The following ZNF845 variants were observed in gnomAD, a reference collection of about 807,000 sequenced individuals.
The protein encoded by ZNF845 is zinc finger protein 845.
Under a neutral mutation model 76.1 loss-of-function variants are expected in ZNF845, and 59 were observed. The ratio of observed to expected loss-of-function variants is 0.78; its 90% CI spans 0.63 to 0.96. The LOEUF is 0.96. Ranked by LOEUF, ZNF845 falls within the 40% of genes least tolerant of loss-of-function variation. The probability of loss-of-function intolerance (pLI) is 0.00; values close to 1 mark genes in which losing one functional copy is unlikely to be tolerated. For missense variants in ZNF845, 1,045 were observed against 1,172.8 expected, an observed-to-expected ratio of 0.89 and a Z score of 1.59; for synonymous variants, 361 against 386.9, an observed-to-expected ratio of 0.93 and a Z score of 0.78.
At chr19:53,346,585 A>G (rs4803091) in intron 3 of ZNF845, among the ~76,000 whole-genome samples, 129,648 of 152,192 alleles carry the variant, frequency 0.85, 55,418 homozygotes, top group Non-Finnish European at 0.89. Context: ...GGAGGCTGAC[A>G]CAGGAGAGTT....
At chr19:53,349,489 C>T (rs940234016) in intron 3 of ZNF845, among the ~76,000 whole-genome samples, 2 of 150,744 alleles carry the variant, frequency 1.3e-5, no homozygotes, top group Non-Finnish European at 2.9e-5. Flanking sequence ...AGGATGGTCT[C>T]GATCTCCTGA....
intron 2 of ZNF845, among the ~76,000 whole-genome samples, chr19:53,341,571 G>A (rs1030503702): frequency 2.6e-5 from 4 of 151,978 alleles, no homozygotes; most frequent in African/African-American, 9.7e-5. Context: ...GGATGGAGAT[G>A]GGATGAGGGC....
In ZNF845 at chr19:53,351,087, G is replaced by T. The variant is rs781150772; in HGVS notation, c.412G>T (p.Asp138Tyr). 9 of 1,614,062 alleles carry T rather than the reference G, an allele frequency of 5.6e-6. No individual in the cohort carries two copies. In the African/African-American group the frequency reaches 1.2e-4, roughly 22 times the overall value. Reference protein sequence around the residue: ...QRHAGNKPIKDQLGSSFHSHL... With the variant: ...QRHAGNKPIKYQLGSSFHSHL... ...GCATGCTGGAAACAAGCCTATTAAAGATCAGCTTGGATCAAGCTTTCATTC... is the reference window on the plus strand; with the variant it reads ...GCATGCTGGAAACAAGCCTATTAAATATCAGCTTGGATCAAGCTTTCATTC... Residue 138 changes from aspartate to tyrosine, a missense_variant, in exon 4 of 4, where the codon GAT becomes TAT. Coordinates refer to ENST00000458035, the MANE Select transcript of ZNF845 (RefSeq NM_138374.3).
chr19:53,355,546 C>G lies in ZNF845; in HGVS notation c.*1958C>G, dbSNP rs936339932. ...GCCTAACCTCATTATCCGCCCACTT[C>G]GGACTTGCAAATTGCTGGGATTATG... On this transcript the variant is annotated 3_prime_UTR_variant, in exon 4 of 4. Transcript: ENST00000458035. The G allele has an allele frequency of 6.6e-6, 1 of 152,072 alleles. No individual in the cohort carries two copies. The highest frequency in any genetic ancestry group is 1.5e-5 in the Non-Finnish European group (1 of 68,026). The allele number at this position is 152,072 out of a possible 1,614,324, so 9.4% of individuals were successfully genotyped here.
rs1339329107 is a variant in ZNF845, at chr19:53,356,380, TAAAA to T, written c.*2796_*2799del. 1 of 151,650 alleles carries T rather than the reference TAAAA, an allele frequency of 6.6e-6. No individual in the cohort carries two copies. The highest frequency in any genetic ancestry group is 1.5e-5 in the Non-Finnish European group (1 of 67,952). 9.4% of individuals were successfully genotyped at this position (151,650 alleles called of 1,614,324 possible). A position where few individuals can be genotyped will look rare whatever the true frequency, so the allele number is the denominator to read the frequency against. On this transcript the variant is annotated 3_prime_UTR_variant, in exon 4 of 4. Transcript: ENST00000458035. ...TAGGGGACCTCTTCTCTGCTAAAAGTAAAAAAAGTCAGCCAGGTGTGGTGGTGCA... is the reference window on the plus strand; with the variant it reads ...TAGGGGACCTCTTCTCTGCTAAAAGTAAAGTCAGCCAGGTGTGGTGGTGCA...
Position 53,352,269 on chromosome 19 carries a change from T to C in ZNF845, c.1594T>C (p.Phe532Leu). 11 of 1,613,862 alleles carry C rather than the reference T, an allele frequency of 6.8e-6. No homozygotes were observed. The highest frequency in any genetic ancestry group is 9.3e-6 in the Non-Finnish European group (11 of 1,179,886). ...LYKCNECGKT[F>L]SRKSSLTRHC... ...CAAGTGTAATGAATGTGGCAAGACC[T>C]TTAGTCGGAAGTCATCCCTTACACG... is the stretch of plus-strand genomic sequence containing the variant. The change falls in exon 4 of 4, where the codon TTT (phenylalanine) becomes CTT (leucine). Residue 532 changes from phenylalanine (F) to leucine (L), a missense_variant. Coordinates refer to ENST00000458035, the MANE Select transcript of ZNF845 (RefSeq NM_138374.3).
chr19:53,342,506 T>G (rs2085263522), intron 2 of ZNF845, among the ~76,000 whole-genome samples: 1 of 152,184 alleles, frequency 6.6e-6, no homozygotes, highest in East Asian at 1.9e-4. Context: ...AAGCTGCAGC[T>G]TAGACCCATT....
rs752894826 is a variant in ZNF845, at chr19:53,351,303, A to T, written c.628A>T (p.Met210Leu). 6.2e-7 allele frequency: 1 copy of T among 1,614,222 alleles called. No individual in the cohort carries two copies. The highest frequency in any genetic ancestry group is 1.1e-5 in the South Asian group (1 of 91,084). The change falls in exon 4 of 4, where the codon ATG (methionine) becomes TTG (leucine). Residue 210 changes from methionine (M) to leucine (L), a missense_variant. Met to Leu is a conservative substitution (Grantham distance 15, BLOSUM62 2). Transcript: ENST00000458035. ...ACTCACACAAAAGCAGGAAGTACAC[A>T]TGAGAGAAAAATCTTTCCAATGTAA... ...SLLTQKQEVH[M>L]REKSFQCNES...
chr19:53,342,305 C>T (rs762033607), intron 2 of ZNF845, among the ~76,000 whole-genome samples: 14 of 152,032 alleles, frequency 9.2e-5, no homozygotes, highest in African/African-American at 1.2e-4. Flanking sequence ...TTATTAGTGA[C>T]GGGCTATCAC....
chr19:53,351,846 A>T lies in ZNF845; in HGVS notation c.1171A>T (p.Thr391Ser). The change falls in exon 4 of 4, where the codon ACC becomes TCC. Residue 391 changes from threonine to serine, a missense_variant. Thr to Ser is a moderately conservative substitution (Grantham distance 58). Coordinates refer to ENST00000458035, the MANE Select transcript of ZNF845 (RefSeq NM_138374.3). The stretch of plus-strand genomic sequence containing the variant: ...TTACAAGTGTAATGAATGCAGCAGG[A>T]CCTTTAGTCGGAAGTCATCCCTTAC... Reference protein sequence around the residue: ...KPYKCNECSRTFSRKSSLTRH... With the variant: ...KPYKCNECSRSFSRKSSLTRH... 1.2e-6 allele frequency: 2 copies of T among 1,613,568 alleles called. No individual in the cohort carries two copies. The highest frequency in any genetic ancestry group is 2.7e-5 in the African/African-American group (2 of 74,752).
Position 53,354,392 on chromosome 19 carries a change from C to T in ZNF845, c.*804C>T, listed in dbSNP as rs879632593. On this transcript the variant is annotated 3_prime_UTR_variant, in exon 4 of 4. Coordinates refer to ENST00000458035, the MANE Select transcript of ZNF845 (RefSeq NM_138374.3). ...AGTGTTTATGTTAAGAAGATTGGGCCAGGCGGGGTGGCTCACGCCTGTAAT... is the reference window on the plus strand; with the variant it reads ...AGTGTTTATGTTAAGAAGATTGGGCTAGGCGGGGTGGCTCACGCCTGTAAT... 1.4e-5 allele frequency: 4 copies of T among 294,418 alleles called. No homozygotes were observed. The highest frequency in any genetic ancestry group is 1.0e-4 in the Admixed American group (2 of 19,830). The allele number at this position is 294,418 out of a possible 1,614,324, so 18.2% of individuals were successfully genotyped here. A position where few individuals can be genotyped will look rare whatever the true frequency, so the allele number is the denominator to read the frequency against.
chr19:53,341,236 A>T lies in ZNF845; in HGVS notation c.-72A>T. ...AAACAACATATTTTTAACATTCAGG[A>T]TTGACTTCTAAAGACTCTTGGTACG... On this transcript the variant is annotated splice_region_variant and 5_prime_UTR_variant, in exon 2 of 4. Transcript: ENST00000458035. 2 of 1,587,966 alleles carry T rather than the reference A, an allele frequency of 1.3e-6. No individual in the cohort carries two copies. The highest frequency in any genetic ancestry group is 1.7e-6 in the Non-Finnish European group (2 of 1,157,050).
Position 53,341,784 on chromosome 19 carries a change from T to A in ZNF845, c.15+462T>A, listed in dbSNP as rs544770564. On this transcript the variant is annotated intron_variant, in intron 2 of 3. Coordinates refer to ENST00000458035, the MANE Select transcript of ZNF845 (RefSeq NM_138374.3). ...TGATTTTATACTACATTTTTAGTTT[T>A]TTGAGTGAGTTACTGTGTTTCTGAC... 8.5e-5 allele frequency among the ~76,000 whole-genome samples: 13 copies of A among 152,334 alleles called. No individual in the cohort carries two copies. In the South Asian group the frequency reaches 2.7e-3, roughly 32 times the overall value.
Position 53,356,711 on chromosome 19 carries a change from C to CCT in ZNF845, c.*3123_*3124insCT. ...TTGGGAGGCTAAGGTGGGCGGATCA[C>CCT]GAGGTCAGGAGATCGAGACCATCCT... On this transcript the variant is annotated 3_prime_UTR_variant, in exon 4 of 4. Coordinates refer to ENST00000458035, the MANE Select transcript of ZNF845 (RefSeq NM_138374.3). 1 of 152,064 alleles carries CCT rather than the reference C, an allele frequency of 6.6e-6. No individual in the cohort carries two copies. Among genetic ancestry groups the CCT allele is most frequent in the East Asian group, 1.9e-4 (1 of 5,164 alleles). 9.4% of individuals were successfully genotyped at this position (152,064 alleles called of 1,614,324 possible). A position where few individuals can be genotyped will look rare whatever the true frequency, so the allele number is the denominator to read the frequency against.
chr19:53,353,894 T>TG lies in ZNF845; in HGVS notation c.*308dup, dbSNP rs764000412. ...TAACACTACAACCGTTTCAAATCAT[T>TG]GGAGAATCCATAATGAGAGATTTTG... On this transcript the variant is annotated 3_prime_UTR_variant, in exon 4 of 4. Transcript: ENST00000458035. The TG allele has an allele frequency of 1.3e-5, 14 of 1,065,672 alleles. No individual in the cohort carries two copies. Among genetic ancestry groups the TG allele is most frequent in the Non-Finnish European group, 1.9e-5 (14 of 747,302 alleles). The allele number at this position is 1,065,672 out of a possible 1,614,324, so 66.0% of individuals were successfully genotyped here.
rs2085293689 is a variant in ZNF845 at position 53,345,964 on chromosome 19, C to T, written c.142+332C>T. 2.0e-5 allele frequency among the ~76,000 whole-genome samples: 3 copies of T among 151,888 alleles called. No individual in the cohort carries two copies. The South Asian group carries it at 6.2e-4, about 32-fold the overall frequency. Reference sequence around the variant, plus strand: ...CTGGGCTCAAGAGATCCTCCTTGGCCTCCTGAGTAGCTGGGATTACAGGTG... The same window carrying T: ...CTGGGCTCAAGAGATCCTCCTTGGCTTCCTGAGTAGCTGGGATTACAGGTG... On this transcript the variant is annotated intron_variant, in intron 3 of 3. Coordinates refer to ENST00000458035, the MANE Select transcript of ZNF845 (RefSeq NM_138374.3).
chr19:53,350,685 T>G, intron 3 of ZNF845, 133 bp from the exon 4 acceptor site: 1 of 1,206,894 alleles, frequency 8.3e-7, no homozygotes, highest in Non-Finnish European at 1.1e-6. Context: ...CTTACCCTTT[T>G]GCGTTCCTAA....
At chr19:53,342,458 A>G (rs2085263224) in intron 2 of ZNF845, among the ~76,000 whole-genome samples, 1 of 152,110 alleles carries the variant, frequency 6.6e-6, no homozygotes, top group African/African-American at 2.4e-5. Context: ...TAAACATCAC[A>G]TGATATATTT....
At chr19:53,349,686 C>G (rs993535690) in intron 3 of ZNF845, among the ~76,000 whole-genome samples, 1 of 152,102 alleles carries the variant, frequency 6.6e-6, no homozygotes, top group African/African-American at 2.4e-5. Flanking sequence ...TATGATTTTA[C>G]ATAAGGCTTT....
Sources: allele counts gnomAD v4.1 joint callset (sites outside exome capture counted in the v4.1 genomes callset), GRCh38; gene constraint gnomAD v4.1.1; transcripts MANE v1.5; gene names NCBI Gene and HGNC (gene_info 2026-07-23, HGNC 2026-07-21).